Variants in XKR6 observed in about 807,000 individuals in gnomAD.
XKR6 encodes XK related 6, also known as XK-related protein 6.
XKR6 carries 22 observed loss-of-function variants against 56.7 expected under a neutral mutation model. The ratio of observed to expected loss-of-function variants is 0.39; its 90% CI spans 0.28 to 0.55. The LOEUF (loss-of-function observed/expected upper bound fraction) is 0.55. Ranked by LOEUF, XKR6 falls within the 20% of genes least tolerant of loss-of-function variation. The probability of loss-of-function intolerance (pLI) is 0.66; values close to 1 mark genes in which losing one functional copy is unlikely to be tolerated. For missense variants in XKR6, 852 were observed against 889.0 expected (o/e 0.96, Z 0.53); for synonymous variants, 524 against 387.8 (o/e 1.35, Z -4.13).
At chr8:11,189,316 T>C (rs533882110) in intron 1 of XKR6, among the ~76,000 whole-genome samples, 1 of 152,374 alleles carries the variant, frequency 6.6e-6, no homozygotes, top group South Asian at 2.1e-4. Context: ...AATAATGACC[T>C]TGAAATACTT....
chr8:11,192,557 G>T (rs1040974344), intron 1 of XKR6, among the ~76,000 whole-genome samples: 1 of 151,104 alleles, frequency 6.6e-6, no homozygotes, highest in African/African-American at 2.4e-5. Flanking sequence ...CAAGGCTGCA[G>T]GGGGCTATAC....
chr8:11,169,508 T>C (rs1031761790), intron 1 of XKR6, among the ~76,000 whole-genome samples: 2 of 152,208 alleles, frequency 1.3e-5, no homozygotes, highest in Non-Finnish European at 2.9e-5. Flanking sequence ...TTGAAAACAT[T>C]ATGCTAAGTT....
At chr8:11,122,925 A>C (rs1799524922) in intron 1 of XKR6, among the ~76,000 whole-genome samples, 1 of 152,192 alleles carries the variant, frequency 6.6e-6, no homozygotes, top group East Asian at 1.9e-4. Flanking sequence ...CAATAAGTTA[A>C]AATTTAAGTG....
chr8:10,943,557 G>C (rs994582425), intron 1 of XKR6, among the ~76,000 whole-genome samples: 2 of 152,012 alleles, frequency 1.3e-5, no homozygotes, highest in African/African-American at 4.8e-5. Context: ...CAAGCTCCCC[G>C]CCACATGCCT....
At chr8:11,076,150 A>G (rs1057455447) in intron 1 of XKR6, among the ~76,000 whole-genome samples, 2 of 152,342 alleles carry the variant, frequency 1.3e-5, no homozygotes, top group Admixed American at 1.3e-4. Context: ...GATGCTTCTT[A>G]TATGAGGTCC....
intron 1 of XKR6, among the ~76,000 whole-genome samples, chr8:11,195,570 T>C (rs1420107227): frequency 6.6e-6 from 1 of 152,188 alleles, no homozygotes; most frequent in African/African-American, 2.4e-5. Flanking sequence ...CTTCAAAGTT[T>C]TTTTTGACTA....
intron 1 of XKR6, among the ~76,000 whole-genome samples, chr8:11,055,146 A>T (rs920933027): frequency 6.6e-6 from 1 of 152,216 alleles, no homozygotes; most frequent in Non-Finnish European, 1.5e-5. Context: ...TATAGGGACT[A>T]CTACCCTGGA....
rs527315519 is a variant in XKR6 at position 11,185,495 on chromosome 8, A to G, written c.764+15081T>C. Among the ~76,000 whole-genome samples, 5 of 152,342 alleles carry G rather than the reference A, an allele frequency of 3.3e-5. No individual in the cohort carries two copies. In the East Asian group the frequency reaches 9.6e-4, roughly 29 times the overall value. On this transcript the variant is annotated intron_variant, in intron 1 of 2. Transcript: ENST00000416569. Reference sequence around the variant, plus strand: ...GATTTACTGTATGGGGTTTTAGAGTAAATTTCTAAATGTACGTACAATTTT... The same window carrying G: ...GATTTACTGTATGGGGTTTTAGAGTGAATTTCTAAATGTACGTACAATTTT...
At chr8:11,033,417 GATGATGA>G (rs1799053263) in intron 1 of XKR6, among the ~76,000 whole-genome samples, 9 of 151,734 alleles carry the variant, frequency 5.9e-5, no homozygotes, top group African/African-American at 2.2e-4. Flanking sequence ...TGGTGATGAT[GATGATGA>G]TGATGGTGAT....
chr8:11,124,900 C>G (rs7830569), intron 1 of XKR6: 55,332 of 149,362 alleles, frequency 0.37, 10,903 homozygotes, highest in Middle Eastern at 0.45. Flanking sequence ...CTGGCTAACA[C>G]GGTGAAACCC....
At chr8:10,929,044 G>A (rs1800983339) in intron 1 of XKR6, among the ~76,000 whole-genome samples, 1 of 152,202 alleles carries the variant, frequency 6.6e-6, no homozygotes, top group Non-Finnish European at 1.5e-5. Flanking sequence ...TCTTGAGCAA[G>A]TCACCTCCCA....
intron 1 of XKR6, among the ~76,000 whole-genome samples, chr8:10,966,904 C>A (rs1802241946): frequency 6.6e-6 from 1 of 152,108 alleles, no homozygotes; most frequent in Non-Finnish European, 1.5e-5. Context: ...ACTCTGATCT[C>A]TGGGGCTAGG....
rs1397901008 is a variant in XKR6, at chr8:11,178,105, G to A, written c.764+22471C>T. Among the ~76,000 whole-genome samples the A allele has an allele frequency of 2.6e-5, 4 of 152,090 alleles. 1 individual carries two copies. The highest frequency in any genetic ancestry group is 9.7e-5 in the African/African-American group (4 of 41,412). On this transcript the variant is annotated intron_variant, in intron 1 of 2. Transcript: ENST00000416569. Reference sequence around the variant, plus strand: ...TAGGAGCCGGGCCTTCCAAACTCCAGGCAGAAGAGGCACGAAACCACACCA... The same window carrying A: ...TAGGAGCCGGGCCTTCCAAACTCCAAGCAGAAGAGGCACGAAACCACACCA...
In XKR6 at chr8:10,897,591, A is replaced by C. The variant is rs1342004350; in HGVS notation, c.*361T>G. 1 of 175,794 alleles carries C rather than the reference A, an allele frequency of 5.7e-6. No homozygotes were observed. Among genetic ancestry groups the C allele is most frequent in the African/African-American group, 2.4e-5 (1 of 41,990 alleles). 10.9% of individuals were successfully genotyped at this position (175,794 alleles called of 1,614,324 possible). A position where few individuals can be genotyped will look rare whatever the true frequency, so the allele number is the denominator to read the frequency against. ...ATCTACACTTGGTGTAAGGTAAAAAACTTTTTTTTTTTCTTTTGGAGTGGA... is the reference window on the plus strand; with the variant it reads ...ATCTACACTTGGTGTAAGGTAAAAACCTTTTTTTTTTTCTTTTGGAGTGGA... On this transcript the variant is annotated 3_prime_UTR_variant, in exon 3 of 3. Transcript: ENST00000416569.
At chr8:11,016,735 G>A (rs1798633626) in intron 1 of XKR6, among the ~76,000 whole-genome samples, 2 of 152,162 alleles carry the variant, frequency 1.3e-5, no homozygotes, top group African/African-American at 4.8e-5. Context: ...CCTGGCCTGC[G>A]CTTGCTCCCC....
intron 2 of XKR6, among the ~76,000 whole-genome samples, chr8:10,899,190 G>T (rs773381656): frequency 6.6e-6 from 1 of 152,232 alleles, no homozygotes; most frequent in Non-Finnish European, 1.5e-5. Flanking sequence ...CTAGGGGGCT[G>T]AGAGGTGGGG....
intron 1 of XKR6, among the ~76,000 whole-genome samples, chr8:11,126,662 C>T (rs1052954610): frequency 1.3e-5 from 2 of 152,146 alleles, no homozygotes; most frequent in African/African-American, 4.8e-5. Flanking sequence ...CAGACTAATC[C>T]TCACAGGGTC....
At position 10,958,738 on chromosome 8, in the gene XKR6, C is replaced by G. The variant is rs146786064; in HGVS notation, c.765-33908G>C. Among the ~76,000 whole-genome samples, 387 of 152,326 alleles carry G rather than the reference C, an allele frequency of 2.5e-3. 1 individual carries two copies. The highest frequency in any genetic ancestry group is 8.9e-3 in the African/African-American group (369 of 41,570). On this transcript the variant is annotated intron_variant, in intron 1 of 2. Coordinates refer to ENST00000416569, the MANE Select transcript of XKR6 (RefSeq NM_173683.4). The stretch of plus-strand genomic sequence containing the variant: ...TTCTCAACTGTAAAATGGAGCAACT[C>G]ACTCCTCCTTCTCTGTCCTACAGAG...
At chr8:11,054,929 C>CTA (rs1799643225) in intron 1 of XKR6, among the ~76,000 whole-genome samples, 2 of 152,128 alleles carry the variant, frequency 1.3e-5, no homozygotes, top group African/African-American at 4.8e-5. Flanking sequence ...GCCCTGTGGG[C>CTA]TAGTGGAAGC....
Sources: allele counts gnomAD v4.1 joint callset (sites outside exome capture counted in the v4.1 genomes callset), GRCh38; gene constraint gnomAD v4.1.1; transcripts MANE v1.5; gene names NCBI Gene and HGNC (gene_info 2026-07-23, HGNC 2026-07-21).